Variants in TENM4 observed in about 807,000 individuals in gnomAD.
TENM4 encodes the protein teneurin transmembrane protein 4, also known as teneurin-4.
Under a neutral mutation model 243.3 loss-of-function variants are expected in TENM4, and 82 were observed. That is an observed-to-expected ratio of 0.34 (90% confidence interval 0.28 to 0.40). TENM4 has a LOEUF of 0.40. Ranked by LOEUF, TENM4 falls within the 10% of genes least tolerant of loss-of-function variation. The probability of loss-of-function intolerance (pLI) is 1.00; values close to 1 mark genes in which losing one functional copy is unlikely to be tolerated. For missense variants in TENM4, 3,138 were observed against 3,673.3 expected (o/e 0.85, Z 3.77); for synonymous variants, 1,412 against 1,456.3 (o/e 0.97, Z 0.69).
chr11:79,187,786 G>A (rs1406217556), intron 3 of TENM4, among the ~76,000 whole-genome samples: 1 of 152,188 alleles, frequency 6.6e-6, no homozygotes, highest in Non-Finnish European at 1.5e-5. Context: ...GATACACAGA[G>A]GAAAGACCAT....
intron 14 of TENM4, among the ~76,000 whole-genome samples, chr11:78,807,312 C>T (rs1396637738): frequency 6.6e-6 from 1 of 152,180 alleles, no homozygotes; most frequent in Admixed American, 6.5e-5. Context: ...TACATTCCCA[C>T]CAGTAGTGCA....
At chr11:79,249,841 C>A (rs645065) in intron 2 of TENM4, among the ~76,000 whole-genome samples, 95,221 of 152,070 alleles carry the variant, frequency 0.63, 31,388 homozygotes, top group African/African-American at 0.83. Context: ...AGATGTATGT[C>A]AGGTGACTAT....
At chr11:79,125,787 T>A (rs982513065) in intron 4 of TENM4, among the ~76,000 whole-genome samples, 2 of 152,090 alleles carry the variant, frequency 1.3e-5, no homozygotes, top group Non-Finnish European at 2.9e-5. Flanking sequence ...GGCAAGATAA[T>A]GTTGACTCTC....
At chr11:78,686,996 A>C (rs1858693179) in intron 29 of TENM4, among the ~76,000 whole-genome samples, 1 of 152,192 alleles carries the variant, frequency 6.6e-6, no homozygotes, top group African/African-American at 2.4e-5. Flanking sequence ...TTGCTTATTG[A>C]GCAATAGTAT....
chr11:79,006,393 C>A (rs921478773), intron 6 of TENM4, among the ~76,000 whole-genome samples: 1 of 152,098 alleles, frequency 6.6e-6, no homozygotes, highest in Non-Finnish European at 1.5e-5. Context: ...CTATGATATA[C>A]GCAGATCTAA....
intron 1 of TENM4, among the ~76,000 whole-genome samples, chr11:79,352,358 A>T (rs1002169177): frequency 1.3e-5 from 2 of 152,192 alleles, no homozygotes; most frequent in Non-Finnish European, 2.9e-5. Context: ...GGGTAAGACC[A>T]CAACCGTCTA....
chr11:78,902,895 G>A (rs775509066), intron 7 of TENM4, among the ~76,000 whole-genome samples: 6 of 151,870 alleles, frequency 4.0e-5, no homozygotes, highest in Admixed American at 6.6e-5. Context: ...CTGAGAGCCT[G>A]CTGTTGGTCA....
At chr11:78,826,825 T>A (rs1857863201) in intron 12 of TENM4, among the ~76,000 whole-genome samples, 1 of 152,222 alleles carries the variant, frequency 6.6e-6, no homozygotes, top group Non-Finnish European at 1.5e-5. Flanking sequence ...AAAAAAAGTT[T>A]TTAAATTGGA....
At chr11:79,092,177 C>T (rs548998655) in intron 4 of TENM4, among the ~76,000 whole-genome samples, 1 of 152,310 alleles carries the variant, frequency 6.6e-6, no homozygotes, top group African/African-American at 2.4e-5. Flanking sequence ...CTGCCAGGCA[C>T]TGGGGATGCA....
At chr11:78,852,487 A>G (rs980166597) in intron 12 of TENM4, among the ~76,000 whole-genome samples, 1 of 152,030 alleles carries the variant, frequency 6.6e-6, no homozygotes, top group Non-Finnish European at 1.5e-5. Flanking sequence ...GAGTTTGACC[A>G]GCCTAGGCAA....
intron 4 of TENM4, among the ~76,000 whole-genome samples, chr11:79,109,937 T>G (rs1861466651): frequency 6.6e-6 from 1 of 152,248 alleles, no homozygotes; most frequent in African/African-American, 2.4e-5. Flanking sequence ...TGGCACACTG[T>G]GAATGCTAAT....
At chr11:79,063,331 C>T (rs944065388) in intron 6 of TENM4, among the ~76,000 whole-genome samples, 5 of 152,284 alleles carry the variant, frequency 3.3e-5, no homozygotes, top group Non-Finnish European at 7.4e-5. Flanking sequence ...AGGGGAATCC[C>T]GGGCAGGAAT....
chr11:78,880,980 G>T (rs951500737), intron 9 of TENM4, among the ~76,000 whole-genome samples: 11 of 152,332 alleles, frequency 7.2e-5, no homozygotes, highest in African/African-American at 2.6e-4. Flanking sequence ...TTTGACTGTG[G>T]TGGTGGTCAC....
In TENM4 at chr11:79,181,954, A is replaced by AAG. The variant is rs940912033; in HGVS notation, c.-162-33149_-162-33148insCT. Among the ~76,000 whole-genome samples the AAG allele has an allele frequency of 8.6e-5, 13 of 151,730 alleles. 1 individual carries two copies. Among genetic ancestry groups the AAG allele is most frequent in the African/African-American group, 2.9e-4 (12 of 41,392 alleles). On this transcript the variant is annotated intron_variant, in intron 3 of 33. Coordinates refer to ENST00000278550, the MANE Select transcript of TENM4 (RefSeq NM_001098816.3). The stretch of plus-strand genomic sequence containing the variant: ...TTCTGATGAAAGATCAAAGAACTAA[A>AAG]AAAAAAAAAACTGTTCCACGTTTAT...
chr11:78,868,928 A>T (rs1002298481), intron 9 of TENM4, among the ~76,000 whole-genome samples: 3 of 151,562 alleles, frequency 2.0e-5, no homozygotes, highest in East Asian at 1.9e-4. Context: ...TTTTTTTTTT[A>T]AATGACTATT....
intron 30 of TENM4, among the ~76,000 whole-genome samples, chr11:78,675,879 C>T (rs139567115): frequency 2.6e-4 from 39 of 152,242 alleles, no homozygotes; most frequent in African/African-American, 9.2e-4. Flanking sequence ...AATTGAGGCT[C>T]TAAGATTACT....
chr11:79,186,053 G>A (rs1490877381), intron 3 of TENM4, among the ~76,000 whole-genome samples: 1 of 152,148 alleles, frequency 6.6e-6, no homozygotes, highest in Non-Finnish European at 1.5e-5. Flanking sequence ...GAGTTTCAAA[G>A]AAATGAAGTA....
At chr11:79,038,981 A>G (rs1859451893) in intron 6 of TENM4, among the ~76,000 whole-genome samples, 1 of 152,166 alleles carries the variant, frequency 6.6e-6, no homozygotes, top group Non-Finnish European at 1.5e-5. Flanking sequence ...AGTGATAAAT[A>G]AATGTATTTA....
intron 2 of TENM4, among the ~76,000 whole-genome samples, chr11:79,247,712 T>A (rs1855544543): frequency 6.6e-6 from 1 of 152,256 alleles, no homozygotes; most frequent in African/African-American, 2.4e-5. Flanking sequence ...ATTTTACCCA[T>A]GTCTGTCCCA....
Sources: allele counts gnomAD v4.1 joint callset (sites outside exome capture counted in the v4.1 genomes callset), GRCh38; gene constraint gnomAD v4.1.1; transcripts MANE v1.5; gene names NCBI Gene and HGNC (gene_info 2026-07-23, HGNC 2026-07-21).